AP3B1: variants seen among roughly 807,000 people sequenced by gnomAD.
The protein encoded by AP3B1 is AP-3 complex subunit beta-1.
AP3B1 carries 61 observed loss-of-function variants against 132.5 expected under a neutral mutation model. That is an observed-to-expected ratio of 0.46 (90% CI 0.37 to 0.57). The LOEUF (loss-of-function observed/expected upper bound fraction) is 0.57, where lower values mean the gene tolerates loss of function less well. Among genes scored for constraint, AP3B1 ranks in the 20% least tolerant of loss-of-function variants. The pLI is 0.00. For synonymous variants in AP3B1, 388 were observed against 438.3 expected (o/e 0.89, Z 1.43); for missense variants, 1,120 against 1,289.4 (o/e 0.87, Z 2.01).
chr5:78,030,651 C>T (rs781770379), intron 24 of AP3B1, among the ~76,000 whole-genome samples: 4 of 152,076 alleles, frequency 2.6e-5, no homozygotes, highest in South Asian at 2.1e-4. Context: ...TGAAGGCTTG[C>T]GTGTTTCTTT....
Position 78,216,098 on chromosome 5 carries a change from A to G in AP3B1, c.743T>C (p.Leu248Pro). ...EWGQVVIIHMLTRYARTQFVS... is the reference protein window; with the variant it reads ...EWGQVVIIHMPTRYARTQFVS... ...AAACTGTGTCCGAGCATATCGAGTT[A>G]GCATGTGGATTATGACAACCTGCCC... The change falls in exon 7 of 27, where the codon CTA becomes CCA. Residue 248 changes from leucine to proline, a missense_variant. This residue lies in a region of AP3B1 where 906 missense variants were observed against 997.1 expected (regional missense o/e 0.91). Coordinates refer to ENST00000255194, the MANE Select transcript of AP3B1 (RefSeq NM_003664.5). 3 of 1,614,080 alleles carry G rather than the reference A, an allele frequency of 1.9e-6. No individual in the cohort carries two copies. The highest frequency in any genetic ancestry group is 2.5e-6 in the Non-Finnish European group (3 of 1,179,932).
At chr5:78,282,030 C>T (rs993069080) in intron 1 of AP3B1, among the ~76,000 whole-genome samples, 7 of 152,174 alleles carry the variant, frequency 4.6e-5, no homozygotes, top group Admixed American at 6.5e-5. Flanking sequence ...CAATAACCAT[C>T]CTTCGTCCTC....
At chr5:78,122,507 A>G (rs1752256697) in intron 17 of AP3B1, among the ~76,000 whole-genome samples, 1 of 152,254 alleles carries the variant, frequency 6.6e-6, no homozygotes, top group African/African-American at 2.4e-5. Context: ...GTCTCAGGAT[A>G]CAAAATCAAT....
chr5:78,221,539 G>A (rs780161021), intron 6 of AP3B1, among the ~76,000 whole-genome samples: 4 of 151,872 alleles, frequency 2.6e-5, no homozygotes, highest in Non-Finnish European at 5.9e-5. Flanking sequence ...ATAATCAGAT[G>A]TGAAGACTAA....
chr5:78,010,734 C>T (rs1184706863), intron 26 of AP3B1, among the ~76,000 whole-genome samples: 1 of 152,156 alleles, frequency 6.6e-6, no homozygotes, highest in Non-Finnish European at 1.5e-5. Flanking sequence ...TGAGGTCTTG[C>T]CCTTTCACCT....
chr5:78,115,555 T>C (rs750975335), intron 18 of AP3B1, among the ~76,000 whole-genome samples: 9 of 152,334 alleles, frequency 5.9e-5, no homozygotes, highest in Non-Finnish European at 8.8e-5. Context: ...AGGTGCCTTA[T>C]TCAATTTGCA....
intron 17 of AP3B1, among the ~76,000 whole-genome samples, chr5:78,118,530 C>T (rs1466749145): frequency 2.0e-5 from 3 of 152,222 alleles, no homozygotes; most frequent in African/African-American, 7.2e-5. Flanking sequence ...GATTATATCC[C>T]ACACCTGGCT....
chr5:78,189,266 C>T (rs892400559), intron 7 of AP3B1, among the ~76,000 whole-genome samples: 3 of 152,010 alleles, frequency 2.0e-5, no homozygotes, highest in African/African-American at 4.8e-5. Context: ...AATTTTTAAA[C>T]TTATGTAAAT....
At chr5:78,146,320 G>T (rs952940072) in intron 14 of AP3B1, among the ~76,000 whole-genome samples, 1 of 152,058 alleles carries the variant, frequency 6.6e-6, no homozygotes, top group Non-Finnish European at 1.5e-5. Flanking sequence ...CCATTTTGAG[G>T]GTTCTGCACA....
intron 22 of AP3B1, among the ~76,000 whole-genome samples, chr5:78,071,364 C>A (rs1749534657): frequency 6.6e-6 from 1 of 152,068 alleles, no homozygotes; most frequent in Non-Finnish European, 1.5e-5. Context: ...ACAATGAGAA[C>A]ACATGGACAC....
chr5:78,203,777 C>T (rs1231290084), intron 7 of AP3B1, among the ~76,000 whole-genome samples: 1 of 152,104 alleles, frequency 6.6e-6, no homozygotes, highest in African/African-American at 2.4e-5. Context: ...CTCTGTTCAT[C>T]TTCATGCTTT....
At chr5:78,057,133 C>T (rs774322980) in intron 22 of AP3B1, among the ~76,000 whole-genome samples, 1 of 152,312 alleles carries the variant, frequency 6.6e-6, no homozygotes, top group Non-Finnish European at 1.5e-5. Context: ...AAAGAAGTCA[C>T]GGCTAAGTCA....
intron 7 of AP3B1, among the ~76,000 whole-genome samples, chr5:78,205,092 C>T (rs1745449745): frequency 6.6e-6 from 1 of 151,976 alleles, no homozygotes. Context: ...CTGTGACTTA[C>T]AGTGAAAAAC....
intron 22 of AP3B1, among the ~76,000 whole-genome samples, chr5:78,062,828 C>A (rs144164427): frequency 4.6e-5 from 7 of 151,988 alleles, no homozygotes; most frequent in Non-Finnish European, 8.8e-5. Context: ...CTGAACTGAG[C>A]GGAATTGGAG....
At chr5:78,001,676 C>T (rs1746206629), downstream of AP3B1, 1 of 152,156 alleles carries the variant, frequency 6.6e-6, no homozygotes, top group Non-Finnish European at 1.5e-5. Context: ...TTCTTTTCAG[C>T]CTTCCTATAA....
chr5:78,087,947 G>A (rs1165473892), intron 22 of AP3B1, among the ~76,000 whole-genome samples: 3 of 152,058 alleles, frequency 2.0e-5, no homozygotes, highest in East Asian at 1.9e-4. Context: ...AATCCTATGC[G>A]GTAGATAGTA....
At chr5:78,156,142 T>C (rs1743138589) in intron 14 of AP3B1, 116 bp downstream of exon 14, 1 of 742,108 alleles carries the variant, frequency 1.3e-6, no homozygotes. Context: ...AATCTCAGAA[T>C]TGGAATCCAG....
intron 7 of AP3B1, among the ~76,000 whole-genome samples, chr5:78,189,879 A>G (rs926533760): frequency 7.0e-5 from 6 of 85,308 alleles, no homozygotes; most frequent in African/African-American, 2.9e-4. Flanking sequence ...CAAATAAAAT[A>G]AAATAAAATA....
intron 7 of AP3B1, among the ~76,000 whole-genome samples, chr5:78,193,041 G>A (rs567161030): frequency 1.3e-5 from 2 of 152,212 alleles, no homozygotes; most frequent in Non-Finnish European, 2.9e-5. Context: ...CGAGCTTTAC[G>A]GCAGATAATG....
Sources: gnomAD v4.1 joint callset for allele counts (sites outside exome capture counted in the v4.1 genomes callset) on GRCh38, gnomAD v4.1.1 for gene constraint, gnomAD v4.1.1 regional missense constraint, MANE v1.5 for transcripts, NCBI Gene and HGNC (gene_info 2026-07-23, HGNC 2026-07-21) for gene names.